Variants in NXPE2 observed in about 807,000 individuals in gnomAD.
NXPE2 encodes the protein NXPE family member 2.
Under a neutral mutation model 34.4 loss-of-function variants are expected in NXPE2, and 34 were observed. That is an observed-to-expected ratio of 0.99 (90% CI 0.75 to 1.31). The LOEUF is 1.31. NXPE2 is among the 40% of genes most tolerant of loss of function. The probability of loss-of-function intolerance (pLI) is 0.00; values close to 1 mark genes in which losing one functional copy is unlikely to be tolerated. For synonymous variants in NXPE2, 235 were observed against 231.3 expected (o/e 1.02, Z -0.15); for missense variants, 649 against 672.5 (o/e 0.97, Z 0.39).
At chr11:114,475,732 T>C in the NXPE2 span, among the ~76,000 whole-genome samples, 1 of 152,350 alleles carries the variant, frequency 6.6e-6, no homozygotes, top group African/African-American at 2.4e-5. Flanking sequence ...TTATGTTCAA[T>C]TTGAATGTCA....
intron 5 of NXPE2, 69 bp from the exon 6 acceptor site, chr11:114,706,326 T>C: frequency 7.9e-7 from 1 of 1,271,042 alleles, no homozygotes; most frequent in Non-Finnish European, 1.1e-6. Flanking sequence ...ATTTTATACA[T>C]GTTGTGTGCA....
chr11:114,634,155 C>G, the NXPE2 span, among the ~76,000 whole-genome samples: 2 of 151,632 alleles, frequency 1.3e-5, no homozygotes, highest in African/African-American at 4.8e-5. Context: ...GATTGCCATT[C>G]TAACTGGTGT....
At chr11:114,670,220 C>A in the NXPE2 span, among the ~76,000 whole-genome samples, 2 of 149,308 alleles carry the variant, frequency 1.3e-5, no homozygotes, top group Admixed American at 6.6e-5. Context: ...GGTATGATAA[C>A]AACAGATGGA....
the NXPE2 span, among the ~76,000 whole-genome samples, chr11:114,767,802 C>T: frequency 2.0e-5 from 3 of 152,082 alleles, no homozygotes; most frequent in Non-Finnish European, 4.4e-5. Flanking sequence ...CTTACCTATC[C>T]CCTTCTCCAA....
chr11:114,628,842 C>T, the NXPE2 span, among the ~76,000 whole-genome samples: 15 of 151,808 alleles, frequency 9.9e-5, no homozygotes, highest in African/African-American at 3.4e-4. Flanking sequence ...AAGGGGATAT[C>T]ACCACCGATC....
the NXPE2 span, among the ~76,000 whole-genome samples, chr11:114,597,679 CT>C: frequency 6.6e-6 from 1 of 151,854 alleles, no homozygotes; most frequent in Admixed American, 6.6e-5. Flanking sequence ...GATTCCATCA[CT>C]TTGTCAGGGG....
chr11:114,674,743 A>G (rs181774769), upstream of NXPE2, among the ~76,000 whole-genome samples: 193 of 151,808 alleles, frequency 1.3e-3, no homozygotes, highest in African/African-American at 4.4e-3. Flanking sequence ...AATAATGCCA[A>G]CTCTTCCCAA....
At chr11:114,665,354 A>G in the NXPE2 span, among the ~76,000 whole-genome samples, 1 of 152,178 alleles carries the variant, frequency 6.6e-6, no homozygotes, top group East Asian at 1.9e-4. Flanking sequence ...ATGATCTATT[A>G]ACAATGATGT....
At chr11:114,774,830 G>A in the NXPE2 span, among the ~76,000 whole-genome samples, 5 of 152,158 alleles carry the variant, frequency 3.3e-5, no homozygotes, top group Non-Finnish European at 2.9e-5. Context: ...TCTCCAAAGG[G>A]GGCGCTCTAA....
chr11:114,522,906 TC>T, the NXPE2 span: 10 of 1,613,112 alleles, frequency 6.2e-6, no homozygotes, highest in Non-Finnish European at 7.6e-6. Context: ...AAGTAGTAGA[TC>T]CACTGACGTA....
At chr11:114,609,688 T>C in the NXPE2 span, among the ~76,000 whole-genome samples, 1 of 151,736 alleles carries the variant, frequency 6.6e-6, no homozygotes, top group African/African-American at 2.4e-5. Context: ...AAGTATTTCC[T>C]CATGGGTAAC....
At chr11:114,469,362 C>T in the NXPE2 span, among the ~76,000 whole-genome samples, 1 of 152,034 alleles carries the variant, frequency 6.6e-6, no homozygotes, top group African/African-American at 2.4e-5. Context: ...ATCCGCCTGC[C>T]TCAGCCTCCC....
the NXPE2 span, among the ~76,000 whole-genome samples, chr11:114,775,314 TG>T: frequency 6.6e-6 from 1 of 152,110 alleles, no homozygotes; most frequent in Non-Finnish European, 1.5e-5. Flanking sequence ...GCCTTCAAGG[TG>T]GGACGAGGAG....
At chr11:114,567,505 G>A in the NXPE2 span, among the ~76,000 whole-genome samples, 6 of 151,844 alleles carry the variant, frequency 4.0e-5, no homozygotes, top group African/African-American at 7.2e-5. Context: ...CTTCTTTCAA[G>A]TTTTTTTTGG....
chr11:114,471,567 A>G, the NXPE2 span, among the ~76,000 whole-genome samples: 1 of 152,208 alleles, frequency 6.6e-6, no homozygotes, highest in African/African-American at 2.4e-5. Flanking sequence ...ATAAAACTGG[A>G]AATTAATAAT....
Position 114,706,592 on chromosome 11 carries a change from A to G in NXPE2, c.1342A>G (p.Ile448Val), listed in dbSNP as rs756895643. The G allele has an allele frequency of 2.6e-6, 4 of 1,551,804 alleles. No homozygotes were observed. In the African/African-American group the frequency reaches 5.5e-5, roughly 21 times the overall value. The change falls in exon 6 of 6, where the codon ATT becomes GTT. Residue 448 changes from isoleucine (I) to valine (V), a missense_variant. Ile to Val is a conservative substitution (Grantham distance 29, BLOSUM62 3). Coordinates refer to ENST00000389586, the MANE Select transcript of NXPE2 (RefSeq NM_182495.6). ...AGGAGACAAAAACACAGCCATTGTCATTACCCTCGGCCAACACTTCAGACC... is the reference window on the plus strand; with the variant it reads ...AGGAGACAAAAACACAGCCATTGTCGTTACCCTCGGCCAACACTTCAGACC... ...VAGDKNTAIV[I>V]TLGQHFRPFP...
chr11:114,799,767 C>T, the NXPE2 span, among the ~76,000 whole-genome samples: 1,660 of 152,328 alleles, frequency 0.011, 24 homozygotes, highest in African/African-American at 0.037. Context: ...GAGGGAGCAT[C>T]TATACACATT....
the NXPE2 span, among the ~76,000 whole-genome samples, chr11:114,464,350 A>C: frequency 6.6e-6 from 1 of 152,118 alleles, no homozygotes; most frequent in Non-Finnish European, 1.5e-5. Context: ...AGAAATAAGA[A>C]TTTGGCAAGT....
At chr11:114,528,019 ATTG>A in the NXPE2 span, 1 of 645,312 alleles carries the variant, frequency 1.5e-6, no homozygotes, top group South Asian at 2.4e-5. Flanking sequence ...AGCTGTTATT[ATTG>A]TTGTAAATTT....
Sources: allele counts gnomAD v4.1 joint callset (sites outside exome capture counted in the v4.1 genomes callset), GRCh38; gene constraint gnomAD v4.1.1; transcripts MANE v1.5; gene names NCBI Gene and HGNC (gene_info 2026-07-23, HGNC 2026-07-21).